ADAMTS17: variants seen among roughly 807,000 people sequenced by gnomAD.
ADAMTS17 encodes the protein A disintegrin and metalloproteinase with thrombospondin motifs 17.
ADAMTS17 carries 113 observed loss-of-function variants against 141.5 expected under a neutral mutation model. The ratio of observed to expected loss-of-function variants is 0.80; its 90% CI spans 0.69 to 0.93. ADAMTS17 has a LOEUF of 0.93. ADAMTS17 is among the 40% of genes least tolerant of loss of function. The probability of loss-of-function intolerance (pLI) is 0.00; values close to 1 mark genes in which losing one functional copy is unlikely to be tolerated. For missense variants in ADAMTS17, 1,659 were observed against 1,517.9 expected (o/e 1.09, Z -1.54); for synonymous variants, 768 against 630.6 (o/e 1.22, Z -3.27).
chr15:100,227,771 G>C (rs932731069), intron 7 of ADAMTS17, among the ~76,000 whole-genome samples: 2 of 152,218 alleles, frequency 1.3e-5, no homozygotes, highest in African/African-American at 4.8e-5. Context: ...AGGGAGACCA[G>C]GTAAGTGATT....
At chr15:99,992,950 T>TGCCGCGTAGAATTGGGACC (rs1246396700) in intron 20 of ADAMTS17, 98 bp downstream of exon 20, 57 of 1,483,398 alleles carry the variant, frequency 3.8e-5, no homozygotes, top group Middle Eastern at 2.2e-4. Flanking sequence ...ACGCTGGGAC[T>TGCCGCGTAGAATTGGGACC]GCCGCGTAGA....
intron 8 of ADAMTS17, among the ~76,000 whole-genome samples, chr15:100,177,848 C>T (rs1309378621): frequency 6.6e-6 from 1 of 152,108 alleles, no homozygotes; most frequent in African/African-American, 2.4e-5. Context: ...TATTTTGGTA[C>T]ATATACGTTA....
At chr15:100,058,665 G>GGCA (rs141235182) in intron 15 of ADAMTS17, among the ~76,000 whole-genome samples, 2,017 of 152,276 alleles carry the variant, frequency 0.013, 45 homozygotes, top group African/African-American at 0.045. Flanking sequence ...GACACTGGGC[G>GGCA]GCAGCAGCAG....
chr15:100,285,178 T>C (rs2142096500), intron 3 of ADAMTS17, among the ~76,000 whole-genome samples: 1 of 152,350 alleles, frequency 6.6e-6, no homozygotes, highest in Admixed American at 6.5e-5. Flanking sequence ...AGTTATCCAT[T>C]AGAAAAGAAA....
intron 15 of ADAMTS17, among the ~76,000 whole-genome samples, chr15:100,058,105 C>G (rs1248751725): frequency 6.6e-6 from 1 of 151,858 alleles, no homozygotes; most frequent in African/African-American, 2.4e-5. Context: ...ACCCCTGCCT[C>G]AAACTCCCTC....
At chr15:100,288,917 A>G (rs543322407) in intron 3 of ADAMTS17, among the ~76,000 whole-genome samples, 26 of 152,220 alleles carry the variant, frequency 1.7e-4, no homozygotes, top group African/African-American at 5.3e-4. Flanking sequence ...TATGAAATTA[A>G]TGATCTGACA....
intron 3 of ADAMTS17, among the ~76,000 whole-genome samples, chr15:100,281,732 C>T (rs1388673213): frequency 1.3e-5 from 2 of 152,116 alleles, no homozygotes; most frequent in Non-Finnish European, 2.9e-5. Context: ...CAAGTACGCA[C>T]AGAAAAGGAG....
intron 7 of ADAMTS17, among the ~76,000 whole-genome samples, chr15:100,206,884 G>A (rs1302867163): frequency 2.0e-5 from 3 of 152,184 alleles, no homozygotes. Context: ...ATTTCTGTTT[G>A]AATCACAGTT....
intron 6 of ADAMTS17, among the ~76,000 whole-genome samples, chr15:100,257,763 T>C (rs533302151): frequency 1.6e-4 from 24 of 152,358 alleles, no homozygotes; most frequent in Admixed American, 3.9e-4. Flanking sequence ...TGCTAATACA[T>C]GAACATAAAA....
intron 20 of ADAMTS17, among the ~76,000 whole-genome samples, chr15:99,986,283 C>T (rs1449359223): frequency 6.6e-6 from 1 of 152,260 alleles, no homozygotes; most frequent in African/African-American, 2.4e-5. Flanking sequence ...TCATGGAACT[C>T]AAGCCTGTAT....
intron 8 of ADAMTS17, among the ~76,000 whole-genome samples, chr15:100,196,835 C>T (rs968286556): frequency 6.6e-6 from 1 of 152,212 alleles, no homozygotes; most frequent in African/African-American, 2.4e-5. Context: ...GAGGACATAG[C>T]TTCATCCTCA....
intron 13 of ADAMTS17, among the ~76,000 whole-genome samples, chr15:100,111,810 G>A (rs1159409571): frequency 6.6e-6 from 1 of 152,208 alleles, no homozygotes; most frequent in Non-Finnish European, 1.5e-5. Flanking sequence ...TTTCAGGTGG[G>A]TGCTGTCACT....
chr15:100,260,971 A>G (rs534883733), intron 6 of ADAMTS17, among the ~76,000 whole-genome samples: 1 of 152,310 alleles, frequency 6.6e-6, no homozygotes, highest in African/African-American at 2.4e-5. Context: ...CCAAAGAAAA[A>G]TCAGTGTTCT....
Position 100,254,129 on chromosome 15 carries a change from A to C in ADAMTS17, c.1075+7T>G, listed in dbSNP as rs1382624102. 3.1e-6 allele frequency: 5 copies of C among 1,612,798 alleles called. No individual in the cohort carries two copies. Among genetic ancestry groups the C allele is most frequent in the Non-Finnish European group, 3.4e-6 (4 of 1,178,890 alleles). The stretch of plus-strand genomic sequence containing the variant: ...CCCTTAGATTATTATTTCAACTCTA[A>C]ACTTACCAACAGTGTCACACGGTTC... On this transcript the variant is annotated splice_region_variant and intron_variant, in intron 7 of 21. Transcript: ENST00000268070.
chr15:100,018,273 C>T (rs2061331163), intron 18 of ADAMTS17, among the ~76,000 whole-genome samples: 1 of 152,182 alleles, frequency 6.6e-6, no homozygotes, highest in Admixed American at 6.5e-5. Flanking sequence ...ACATACAAAT[C>T]AACTAAGAGA....
intron 1 of ADAMTS17, 35 bp from the exon 2 acceptor site, chr15:100,341,444 GGCCCGCCCGGAC>G (rs1318117551): frequency 2.0e-6 from 2 of 1,010,652 alleles, no homozygotes; most frequent in Non-Finnish European, 2.4e-6. Context: ...AGCGCGGCGG[GGCCCGCCCGGAC>G]GCCCGCCCTC....
chr15:100,292,332 G>A (rs2044664573), intron 3 of ADAMTS17, among the ~76,000 whole-genome samples: 1 of 151,930 alleles, frequency 6.6e-6, no homozygotes, highest in Admixed American at 6.5e-5. Context: ...CTCAGCCCGT[G>A]TGGAATTACG....
intron 18 of ADAMTS17, among the ~76,000 whole-genome samples, chr15:100,022,118 TC>T (rs2061417076): frequency 1.3e-5 from 2 of 152,318 alleles, no homozygotes; most frequent in South Asian, 4.1e-4. Context: ...AGTTTTTCCA[TC>T]TGTGAAATGG....
intron 18 of ADAMTS17, among the ~76,000 whole-genome samples, chr15:100,039,190 T>C (rs2031028547): frequency 6.6e-6 from 1 of 152,252 alleles, no homozygotes; most frequent in South Asian, 2.1e-4. Flanking sequence ...TTTCTTCCTA[T>C]AGTTAACTTT....
Sources: gnomAD v4.1 joint callset for allele counts (sites outside exome capture counted in the v4.1 genomes callset) on GRCh38, gnomAD v4.1.1 for gene constraint, MANE v1.5 for transcripts, NCBI Gene and HGNC (gene_info 2026-07-23, HGNC 2026-07-21) for gene names.